The following CREB3L1 variants were observed in gnomAD, a reference collection of about 807,000 sequenced individuals.
CREB3L1 encodes the protein cAMP responsive element binding protein 3 like 1, also known as cyclic AMP-responsive element-binding protein 3-like protein 1.
In CREB3L1, 33 loss-of-function variants were observed where a neutral mutation model predicts 54.5. The observed-to-expected ratio is 0.61, with a 90% CI of 0.46 to 0.81. The LOEUF (loss-of-function observed/expected upper bound fraction) is 0.81, where lower values mean the gene tolerates loss of function less well. Among genes scored for constraint, CREB3L1 ranks in the 30% least tolerant of loss-of-function variants. The pLI is 0.00. For missense variants in CREB3L1, 656 were observed against 673.3 expected (o/e 0.97, Z 0.29); for synonymous variants, 284 against 286.4 (o/e 0.99, Z 0.08).
chr11:46,297,049 T>G (rs1387918677), intron 1 of CREB3L1, among the ~76,000 whole-genome samples: 2 of 152,174 alleles, frequency 1.3e-5, no homozygotes, highest in Non-Finnish European at 2.9e-5. Context: ...AAGCAGCTGC[T>G]GGAGAAATAC....
intron 2 of CREB3L1, among the ~76,000 whole-genome samples, chr11:46,306,313 C>T (rs948881689): frequency 1.3e-5 from 2 of 151,994 alleles, no homozygotes; most frequent in Non-Finnish European, 2.9e-5. Flanking sequence ...TTCAGGAGTT[C>T]GAGACCAGCC....
intron 9 of CREB3L1, 58 bp downstream of exon 9, chr11:46,316,443 CT>C: frequency 1.7e-6 from 2 of 1,197,410 alleles, no homozygotes; most frequent in Non-Finnish European, 2.4e-6. Flanking sequence ...CCAAGGCTGG[CT>C]TTTTCCAGGG....
At chr11:46,305,668 A>ATATGTGTGTGTGTG (rs1939378883) in intron 2 of CREB3L1, among the ~76,000 whole-genome samples, 1 of 99,762 alleles carries the variant, frequency 1.0e-5, no homozygotes, top group African/African-American at 4.5e-5. Flanking sequence ...ATGTGTGTAT[A>ATATGTGTGTGTGTG]TATATGTGTG....
chr11:46,310,318 A>G (rs1939465035), intron 4 of CREB3L1, among the ~76,000 whole-genome samples: 5 of 151,944 alleles, frequency 3.3e-5, no homozygotes, highest in Admixed American at 3.3e-4. Context: ...CCCAGGCTGG[A>G]GTACCATGGC....
At chr11:46,289,133 T>C (rs922462516) in intron 1 of CREB3L1, among the ~76,000 whole-genome samples, 2 of 152,138 alleles carry the variant, frequency 1.3e-5, no homozygotes, top group African/African-American at 2.4e-5. Context: ...ATCCCAGCAC[T>C]TTGGGAGGCT....
chr11:46,316,068 G>T, intron 8 of CREB3L1: 1 of 490,524 alleles, frequency 2.0e-6, no homozygotes, highest in East Asian at 3.5e-5. Context: ...GGGCAGGCCT[G>T]AGCTTCCACA....
intron 2 of CREB3L1, among the ~76,000 whole-genome samples, chr11:46,305,850 G>T (rs1326704896): frequency 5.3e-5 from 8 of 150,576 alleles, no homozygotes; most frequent in South Asian, 2.1e-4. Flanking sequence ...CCATTCTCCT[G>T]CCTCAGCGTC....
chr11:46,319,493 TG>T (rs1249810612), intron 10 of CREB3L1, among the ~76,000 whole-genome samples: 1 of 152,184 alleles, frequency 6.6e-6, no homozygotes, highest in Non-Finnish European at 1.5e-5. Context: ...TAACAAATGA[TG>T]GGTGTCCAAC....
At chr11:46,308,435 A>G (rs1235414124) in intron 3 of CREB3L1, among the ~76,000 whole-genome samples, 1 of 152,226 alleles carries the variant, frequency 6.6e-6, no homozygotes, top group African/African-American at 2.4e-5. Flanking sequence ...TGAGATTAAT[A>G]TTTTTAACCC....
intron 5 of CREB3L1, 52 bp from the exon 6 acceptor site, chr11:46,312,273 A>T (rs1164974278): frequency 6.7e-7 from 1 of 1,502,418 alleles, no homozygotes; most frequent in Non-Finnish European, 9.0e-7. Context: ...CAGAGCTTGA[A>T]TTTGAACCCA....
intron 1 of CREB3L1, among the ~76,000 whole-genome samples, chr11:46,284,003 T>C (rs1270057058): frequency 6.6e-6 from 1 of 152,194 alleles, no homozygotes; most frequent in African/African-American, 2.4e-5. Context: ...AAGTGCTGTC[T>C]GTGCCCCGAT....
intron 2 of CREB3L1, among the ~76,000 whole-genome samples, chr11:46,300,743 C>G (rs895620018): frequency 6.6e-6 from 1 of 151,088 alleles, no homozygotes; most frequent in Non-Finnish European, 1.5e-5. Context: ...CGGTGGCTCA[C>G]GCCTGTAATC....
At chr11:46,313,709 T>C (rs1939524912) in intron 8 of CREB3L1, among the ~76,000 whole-genome samples, 1 of 151,738 alleles carries the variant, frequency 6.6e-6, no homozygotes, top group Non-Finnish European at 1.5e-5. Context: ...CAGAACTCTC[T>C]CCAGACTTAC....
At chr11:46,305,198 T>G (rs1939361935) in intron 2 of CREB3L1, among the ~76,000 whole-genome samples, 1 of 152,132 alleles carries the variant, frequency 6.6e-6, no homozygotes, top group Admixed American at 6.6e-5. Flanking sequence ...CAGGGCTGAC[T>G]TAGAGTGGAA....
intron 2 of CREB3L1, among the ~76,000 whole-genome samples, chr11:46,300,415 C>T (rs1292280560): frequency 6.6e-6 from 1 of 152,260 alleles, no homozygotes; most frequent in Non-Finnish European, 1.5e-5. Context: ...CCCAGACCAG[C>T]AGCATCACCT....
chr11:46,281,028 G>A (rs534546053), intron 1 of CREB3L1, among the ~76,000 whole-genome samples: 1 of 152,372 alleles, frequency 6.6e-6, no homozygotes, highest in African/African-American at 2.4e-5. Flanking sequence ...CACTTGGACA[G>A]ACAGGAGAGT....
chr11:46,283,283 A>G (rs1725018006), intron 1 of CREB3L1, among the ~76,000 whole-genome samples: 1 of 152,220 alleles, frequency 6.6e-6, no homozygotes, highest in African/African-American at 2.4e-5. Flanking sequence ...GAAAAACAGT[A>G]TTTTTCAGAT....
intron 2 of CREB3L1, among the ~76,000 whole-genome samples, chr11:46,302,979 T>C (rs1939326081): frequency 6.6e-6 from 1 of 151,742 alleles, no homozygotes; most frequent in South Asian, 2.1e-4. Flanking sequence ...AGATTCTGTC[T>C]CAAAAAAAAA....
Position 46,320,395 on chromosome 11 carries a change from C to A in CREB3L1, c.1390C>A (p.Arg464=). ...NPGGPAEQRP[R]DHLQHDHLDS... The stretch of plus-strand genomic sequence containing the variant: ...CGGGGGGCCGGCAGAGCAGCGGCCC[C>A]GGGACCACCTGCAGCATGATCACCT... Residue 464 remains arginine, a synonymous_variant, in exon 11 of 12, where the codon CGG becomes AGG. Coordinates refer to ENST00000621158, the MANE Select transcript of CREB3L1 (RefSeq NM_052854.4). The A allele has an allele frequency of 6.2e-7, 1 of 1,610,868 alleles. No individual in the cohort carries two copies. The highest frequency in any genetic ancestry group is 8.5e-7 in the Non-Finnish European group (1 of 1,178,646).
Sources: gnomAD v4.1 joint callset for allele counts (sites outside exome capture counted in the v4.1 genomes callset) on GRCh38, gnomAD v4.1.1 for gene constraint, MANE v1.5 for transcripts, NCBI Gene and HGNC (gene_info 2026-07-23, HGNC 2026-07-21) for gene names.